Variants in SEMA7A observed in about 807,000 individuals in gnomAD.
The protein encoded by SEMA7A is semaphorin-7A.
SEMA7A carries 21 observed loss-of-function variants against 67.5 expected under a neutral mutation model. The ratio of observed to expected loss-of-function variants is 0.31; its 90% CI spans 0.22 to 0.45. The LOEUF is 0.45. SEMA7A is among the 20% of genes least tolerant of loss of function. The probability of loss-of-function intolerance (pLI) is 1.00; values close to 1 mark genes in which losing one functional copy is unlikely to be tolerated. For synonymous variants in SEMA7A, 364 were observed against 368.5 expected (o/e 0.99, Z 0.14); for missense variants, 774 against 908.6 (o/e 0.85, Z 1.90).
At chr15:74,424,095 C>T (rs751003531) in intron 1 of SEMA7A, among the ~76,000 whole-genome samples, 10 of 152,158 alleles carry the variant, frequency 6.6e-5, no homozygotes, top group Non-Finnish European at 1.3e-4. Context: ...TCCTCCCACC[C>T]ACCAAGGTCA....
At position 74,414,239 on chromosome 15, in the gene SEMA7A, T is replaced by C. The variant is rs1275149197; in HGVS notation, c.1294+308A>G. 6.6e-6 allele frequency among the ~76,000 whole-genome samples: 1 copy of C among 152,154 alleles called. No homozygotes were observed. The stretch of plus-strand genomic sequence containing the variant: ...TCATTTGCCACGTCTCTTCCTACCA[T>C]CTTCTTCCCTGAGTCAGACATCTGG... On this transcript the variant is annotated intron_variant, in intron 10 of 13. Coordinates refer to ENST00000261918, the MANE Select transcript of SEMA7A (RefSeq NM_003612.5). The surrounding 1 kb of genome is among the most constrained non-coding windows in gnomAD (Gnocchi z 4.1).
At chr15:74,427,478 G>A in intron 1 of SEMA7A, 1 of 699,012 alleles carries the variant, frequency 1.4e-6, no homozygotes, top group African/African-American at 1.9e-5. Context: ...ACAGGCGTGT[G>A]CCACCACACC....
At chr15:74,413,362 T>C (rs567607086) in intron 10 of SEMA7A, among the ~76,000 whole-genome samples, 25 of 152,362 alleles carry the variant, frequency 1.6e-4, no homozygotes, top group Non-Finnish European at 3.1e-4. Flanking sequence ...ATACGAATGA[T>C]GCAGGCTCCA....
chr15:74,418,431 G>GAA, intron 2 of SEMA7A, 122 bp from the exon 3 acceptor site: 3 of 942,112 alleles, frequency 3.2e-6, no homozygotes, highest in Non-Finnish European at 4.9e-6. Context: ...TGACAGATGA[G>GAA]CAACTGGGGC....
At chr15:74,418,366 T>C (rs1334283434) in intron 2 of SEMA7A, 57 bp from the exon 3 acceptor site, 1 of 1,544,474 alleles carries the variant, frequency 6.5e-7, no homozygotes, top group Non-Finnish European at 8.9e-7. Context: ...ACCCCTGAAA[T>C]GCTTTCCACA....
At chr15:74,422,859 C>T (rs1430494924) in intron 1 of SEMA7A, among the ~76,000 whole-genome samples, 1 of 152,242 alleles carries the variant, frequency 6.6e-6, no homozygotes, top group African/African-American at 2.4e-5. Context: ...GGTGCTGTCA[C>T]CGTCTGGCCC....
chr15:74,427,932 C>G (rs12593451), intron 1 of SEMA7A, among the ~76,000 whole-genome samples: 4 of 152,264 alleles, frequency 2.6e-5, no homozygotes, highest in Non-Finnish European at 5.9e-5. Context: ...GAACACAGAC[C>G]TAGGCTGGCT....
At chr15:74,425,906 C>G (rs1033512654) in intron 1 of SEMA7A, among the ~76,000 whole-genome samples, 1 of 152,174 alleles carries the variant, frequency 6.6e-6, no homozygotes, top group Non-Finnish European at 1.5e-5. Flanking sequence ...GCAGATAGGC[C>G]AGTGACCTTG....
intron 1 of SEMA7A, chr15:74,433,522 C>T (rs935651563): frequency 8.4e-7 from 1 of 1,196,892 alleles, no homozygotes; most frequent in Admixed American, 4.4e-5. Context: ...CTCCGGCCCC[C>T]GCCGCTCGCT....
rs753178863 is a variant in SEMA7A at position 74,416,007 on chromosome 15, G to T, written c.802-22C>A. 6.2e-6 allele frequency: 10 copies of T among 1,610,142 alleles called. No homozygotes were observed. In the Admixed American group the frequency reaches 8.3e-5, roughly 13 times the overall value. On this transcript the variant is annotated intron_variant, in intron 7 of 13. Coordinates refer to ENST00000261918, the MANE Select transcript of SEMA7A (RefSeq NM_003612.5). ...CCCCCTGGAAGGGTAGAGGGGAGAA[G>T]AGGCCCCTCAGCACCTGCCCGGGCT...
chr15:74,419,533 C>T (rs904774136), intron 1 of SEMA7A, among the ~76,000 whole-genome samples: 9 of 152,284 alleles, frequency 5.9e-5, no homozygotes, highest in Non-Finnish European at 1.0e-4. Flanking sequence ...CCTTAGTGAG[C>T]ACTAGACTAG....
intron 1 of SEMA7A, among the ~76,000 whole-genome samples, chr15:74,421,953 G>T (rs1429969729): frequency 1.3e-5 from 2 of 152,224 alleles, no homozygotes; most frequent in African/African-American, 4.8e-5. Flanking sequence ...AAACGGAGAG[G>T]TGAGGTAGAT....
At chr15:74,419,079 C>A in intron 1 of SEMA7A, 127 bp from the exon 2 acceptor site, 1 of 1,106,674 alleles carries the variant, frequency 9.0e-7, no homozygotes, top group Admixed American at 2.4e-5. Context: ...GTCAGACAAG[C>A]TCTGGGCTGG....
Position 74,414,959 on chromosome 15 carries a change from G to A in SEMA7A, c.987-13C>T. ...GGCTGAGTAGTTCCTGCAGTGACAT[G>A]GAGACCAGCTCAATGGGGGGCCCAG... On this transcript the variant is annotated splice_polypyrimidine_tract_variant and intron_variant, in intron 8 of 13. Transcript: ENST00000261918. The surrounding 1 kb of genome is among the most constrained non-coding windows in gnomAD (Gnocchi z 4.1). 1 of 1,610,040 alleles carries A rather than the reference G, an allele frequency of 6.2e-7. No homozygotes were observed. The highest frequency in any genetic ancestry group is 8.5e-7 in the Non-Finnish European group (1 of 1,176,662).
At chr15:74,432,960 C>T (rs1218447350) in intron 1 of SEMA7A, among the ~76,000 whole-genome samples, 4 of 152,162 alleles carry the variant, frequency 2.6e-5, no homozygotes, top group Non-Finnish European at 4.4e-5. Flanking sequence ...TTATTATCTA[C>T]CCTGGCCTAA....
chr15:74,432,019 G>A (rs1441781362), intron 1 of SEMA7A, among the ~76,000 whole-genome samples: 1 of 150,506 alleles, frequency 6.6e-6, no homozygotes, highest in African/African-American at 2.5e-5. Context: ...ACTTTAAATA[G>A]CCTCAGGGTG....
At chr15:74,429,193 A>T (rs2061066637) in intron 1 of SEMA7A, among the ~76,000 whole-genome samples, 1 of 152,242 alleles carries the variant, frequency 6.6e-6, no homozygotes, top group African/African-American at 2.4e-5. Flanking sequence ...AAAGCAGGGG[A>T]AGTGCAGTCA....
chr15:74,420,388 T>C (rs1327089935), intron 1 of SEMA7A, among the ~76,000 whole-genome samples: 1 of 152,138 alleles, frequency 6.6e-6, no homozygotes. Context: ...GCAGGACACA[T>C]TAGCTTGTCC....
intron 1 of SEMA7A, among the ~76,000 whole-genome samples, chr15:74,432,357 A>G (rs2061095876): frequency 6.6e-6 from 1 of 152,134 alleles, no homozygotes; most frequent in African/African-American, 2.4e-5. Flanking sequence ...GAGCTCTAGC[A>G]GCACTGCTCG....
Sources: gnomAD v4.1 joint callset for allele counts (sites outside exome capture counted in the v4.1 genomes callset) on GRCh38, gnomAD v4.1.1 for gene constraint, Gnocchi (gnomAD v3.1) non-coding constraint, MANE v1.5 for transcripts, NCBI Gene and HGNC (gene_info 2026-07-23, HGNC 2026-07-21) for gene names.